DUSP15: variants seen among roughly 807,000 people sequenced by gnomAD.
The protein encoded by DUSP15 is dual specificity phosphatase 15.
In DUSP15, 23 loss-of-function variants were observed where a neutral mutation model predicts 26.3. The ratio of observed to expected loss-of-function variants is 0.87; its 90% CI spans 0.63 to 1.24. The LOEUF is 1.24. Among genes scored for constraint, DUSP15 ranks in the 50% most tolerant of loss-of-function variants. The pLI is 0.00. For synonymous variants in DUSP15, 143 were observed against 135.5 expected, an observed-to-expected ratio of 1.06 and a Z score of -0.39; for missense variants, 364 against 320.6, an observed-to-expected ratio of 1.14 and a Z score of -1.03.
chr20:31,870,483 C>G lies in DUSP15; in HGVS notation c.-146G>C. 7.3e-7 allele frequency: 1 copy of G among 1,372,512 alleles called. No individual in the cohort carries two copies. The highest frequency in any genetic ancestry group is 9.4e-7 in the Non-Finnish European group (1 of 1,067,306). 85.0% of individuals were successfully genotyped at this position (1,372,512 alleles called of 1,614,324 possible). ...CGTCCGCGGCCCTGCCCAGCCCTGC[C>G]CAGCCACCGCCACCGCCCGCCGACC... On this transcript the variant is annotated 5_prime_UTR_variant, in exon 1 of 7. Coordinates refer to ENST00000339738, the MANE Select transcript of DUSP15 (RefSeq NM_080611.5). The surrounding 1 kb of genome is among the most constrained non-coding windows in gnomAD (Gnocchi z 6.6).
intron 5 of DUSP15, among the ~76,000 whole-genome samples, chr20:31,863,030 A>G (rs2123265752): frequency 6.6e-6 from 1 of 152,080 alleles, no homozygotes; most frequent in South Asian, 2.1e-4. Context: ...TGTAGCGGGT[A>G]TAAAACAGGC....
At chr20:31,857,886 A>G (rs932288908), downstream of DUSP15, among the ~76,000 whole-genome samples, 1 of 152,206 alleles carries the variant, frequency 6.6e-6, no homozygotes, top group Non-Finnish European at 1.5e-5. Context: ...TGGGAGGCTG[A>G]CAGAATTCCC....
chr20:31,870,164 C>G lies in DUSP15; in HGVS notation c.21+153G>C, dbSNP rs1363373696. On this transcript the variant is annotated intron_variant, in intron 1 of 6. Transcript: ENST00000339738. This position sits in a 1 kb window ranked among gnomAD's most constrained non-coding sequence, Gnocchi z 6.6. ...CAGGGTCAGAGAGGGGGAGACCCGA[C>G]AGCCGCGGTCTCGAGTCACAGGGAC... is the stretch of plus-strand genomic sequence containing the variant. The G allele has an allele frequency of 8.2e-7, 1 of 1,225,616 alleles. No individual in the cohort carries two copies. Among genetic ancestry groups the G allele is most frequent in the Non-Finnish European group, 1.0e-6 (1 of 983,444 alleles). The allele number at this position is 1,225,616 out of a possible 1,614,324, so 75.9% of individuals were successfully genotyped here.
downstream of DUSP15, chr20:31,845,709 C>A: frequency 1.3e-6 from 1 of 763,204 alleles, no homozygotes; most frequent in Non-Finnish European, 2.1e-6. Flanking sequence ...CCTCCTCCCT[C>A]GCCCCACTCC....
intron 9 of DUSP15, chr20:31,848,778 C>A: frequency 6.3e-7 from 1 of 1,598,620 alleles, no homozygotes; most frequent in Non-Finnish European, 8.5e-7. Context: ...GGGCGTGCTT[C>A]TTGGCTGGAG....
At chr20:31,845,943 G>A (rs2062372356), downstream of DUSP15, among the ~76,000 whole-genome samples, 1 of 152,060 alleles carries the variant, frequency 6.6e-6, no homozygotes, top group Non-Finnish European at 1.5e-5. Flanking sequence ...AAGAGATAGA[G>A]ACAGAGAGAG....
chr20:31,850,526 T>G (rs1304666178), intron 7 of DUSP15: 1 of 1,374,240 alleles, frequency 7.3e-7, no homozygotes, highest in Non-Finnish European at 1.0e-6. Context: ...GTGCTTTGGG[T>G]GGGAGAGAGA....
chr20:31,848,428 G>A lies in DUSP15; in HGVS notation c.864C>T (p.Ala288=), dbSNP rs748335110. Residue 288 remains alanine (A), a synonymous_variant, in exon 10 of 10, where the codon GCC becomes GCT. Coordinates refer to the DUSP15 transcript ENST00000278979. ...TTCAGCGGGTACAAGAAGAGGAAGC[G>A]GCTCGCTTAGGATGGAGGCAGCTGC... 5 of 1,611,694 alleles carry A rather than the reference G, an allele frequency of 3.1e-6. No homozygotes were observed. In the Admixed American group the frequency reaches 5.0e-5, roughly 16 times the overall value.
chr20:31,870,358 G>A lies in DUSP15; in HGVS notation c.-21C>T. 7.8e-7 allele frequency: 1 copy of A among 1,278,192 alleles called. No homozygotes were observed. The highest frequency in any genetic ancestry group is 3.4e-5 in the South Asian group (1 of 29,156). The allele number at this position is 1,278,192 out of a possible 1,614,324, so 79.2% of individuals were successfully genotyped here. ...CCCATGATCCCGGGGGCGGCGGTCC[G>A]GGTGCACCCCCAGCTCGCCGCCCGG... On this transcript the variant is annotated 5_prime_UTR_variant, in exon 1 of 7. Coordinates refer to ENST00000339738, the MANE Select transcript of DUSP15 (RefSeq NM_080611.5). The surrounding 1 kb of genome is among the most constrained non-coding windows in gnomAD (Gnocchi z 6.6).
chr20:31,861,254 C>A lies in DUSP15; in HGVS notation c.*149G>T, dbSNP rs2062641949. 3 of 1,362,392 alleles carry A rather than the reference C, an allele frequency of 2.2e-6. No homozygotes were observed. In the South Asian group the frequency reaches 5.2e-5, roughly 24 times the overall value. The allele number at this position is 1,362,392 out of a possible 1,614,324, so 84.4% of individuals were successfully genotyped here. A position where few individuals can be genotyped will look rare whatever the true frequency, so the allele number is the denominator to read the frequency against. On this transcript the variant is annotated 3_prime_UTR_variant, in exon 7 of 7. Coordinates refer to ENST00000339738, the MANE Select transcript of DUSP15 (RefSeq NM_080611.5). ...ACAGGTTGGGGACGCTGACTGCAGACGCGGACGAGCAGGGCGGGCGCGGGA... is the reference window on the plus strand; with the variant it reads ...ACAGGTTGGGGACGCTGACTGCAGAAGCGGACGAGCAGGGCGGGCGCGGGA...
rs2062873465 is a variant in DUSP15, at chr20:31,869,659, C to T, written c.22-62G>A. Reference sequence around the variant, plus strand: ...GCTGCACCCCCTTCCACCCCCAGGGCAGCTGGGGGGCCCACAGCCCCTCTC... The same window carrying T: ...GCTGCACCCCCTTCCACCCCCAGGGTAGCTGGGGGGCCCACAGCCCCTCTC... On this transcript the variant is annotated intron_variant, in intron 1 of 6. Coordinates refer to ENST00000339738, the MANE Select transcript of DUSP15 (RefSeq NM_080611.5). The T allele has an allele frequency of 4.4e-5, 70 of 1,593,906 alleles. 1 individual carries two copies. The East Asian group carries it at 1.6e-3, about 36-fold the overall frequency.
intron 5 of DUSP15, 64 bp downstream of exon 5, chr20:31,863,843 G>T: frequency 2.0e-6 from 3 of 1,486,026 alleles, no homozygotes; most frequent in Non-Finnish European, 1.9e-6. Flanking sequence ...GGGGGAGTGT[G>T]TGTTCAGCAG....
chr20:31,861,320 G>A lies in DUSP15; in HGVS notation c.*83C>T. 1.4e-6 allele frequency: 2 copies of A among 1,394,720 alleles called. No individual in the cohort carries two copies. Among genetic ancestry groups the A allele is most frequent in the South Asian group, 1.6e-5 (1 of 63,664 alleles). The allele number at this position is 1,394,720 out of a possible 1,614,324, so 86.4% of individuals were successfully genotyped here. ...GCCGCGGGGCTCCCCCAGCCTCTGG[G>A]CCCGTCCTGGGGGGCGTGGAAGGCG... is the stretch of plus-strand genomic sequence containing the variant. On this transcript the variant is annotated 3_prime_UTR_variant, in exon 7 of 7. Transcript: ENST00000339738.
rs748573410 is a variant in DUSP15, at chr20:31,862,674, C to CA, written c.331dup (p.Trp111LeufsTer6). ...CTTGATGGCTTCAAGCACGTCCCGC[C>CA]AGCCTAGCCCCGTCACAGTCATCAC... On this transcript the variant is annotated frameshift_variant, in exon 6 of 7. Coordinates refer to ENST00000339738, the MANE Select transcript of DUSP15 (RefSeq NM_080611.5). LOFTEE classifies it high-confidence loss of function. 1.4e-5 allele frequency: 23 copies of CA among 1,614,046 alleles called. No individual in the cohort carries two copies. In the South Asian group the frequency reaches 2.5e-4, roughly 18 times the overall value.
downstream of DUSP15, among the ~76,000 whole-genome samples, chr20:31,856,884 G>C (rs1365944948): frequency 6.6e-6 from 1 of 151,986 alleles, no homozygotes; most frequent in Non-Finnish European, 1.5e-5. Flanking sequence ...GCCTGGGAGG[G>C]GTTGCAGGGC....
Position 31,870,315 on chromosome 20 carries a change from AC to A in DUSP15, c.21+1del. On this transcript the variant is annotated splice_donor_variant, in intron 1 of 6. Coordinates refer to ENST00000339738, the MANE Select transcript of DUSP15 (RefSeq NM_080611.5). LOFTEE classifies it high-confidence loss of function. The surrounding 1 kb of genome is among the most constrained non-coding windows in gnomAD (Gnocchi z 6.6). The stretch of plus-strand genomic sequence containing the variant: ...GGAGGCTGCGCGGGGCCCGCCCCCT[AC>A]CTTGGTCATGCCATTGCCCATGATC... 7.9e-7 allele frequency: 1 copy of A among 1,258,566 alleles called. No homozygotes were observed. Among genetic ancestry groups the A allele is most frequent in the Non-Finnish European group, 1.0e-6 (1 of 1,002,688 alleles). The allele number at this position is 1,258,566 out of a possible 1,614,324, so 78.0% of individuals were successfully genotyped here.
rs962213090 is a variant in DUSP15 at position 31,849,916 on chromosome 20, G to A, written c.492-42C>T. On this transcript the variant is annotated intron_variant, in intron 7 of 9. Coordinates refer to the DUSP15 transcript ENST00000278979. ...GGTGCACGGGCTGGACGTGGGCGGC[G>A]CTAGCTCCCCTCGCCTTCTTACCCT... is the stretch of plus-strand genomic sequence containing the variant. 12 of 1,436,360 alleles carry A rather than the reference G, an allele frequency of 8.4e-6. No homozygotes were observed. In the African/African-American group the frequency reaches 1.5e-4, roughly 18 times the overall value. The allele number at this position is 1,436,360 out of a possible 1,614,324, so 89.0% of individuals were successfully genotyped here. A position where few individuals can be genotyped will look rare whatever the true frequency, so the allele number is the denominator to read the frequency against.
chr20:31,862,316 G>C (rs1005253586), intron 6 of DUSP15, among the ~76,000 whole-genome samples: 1 of 152,162 alleles, frequency 6.6e-6, no homozygotes, highest in Non-Finnish European at 1.5e-5. Flanking sequence ...GCAGTGGGGA[G>C]GGCTGGAAGA....
chr20:31,849,862 T>C (rs1444520855), exon 8 of DUSP15: 3 of 1,505,398 alleles, frequency 2.0e-6, no homozygotes, highest in African/African-American at 1.4e-5. Context: ...GAGCCACACG[T>C]GCAGCCAGCA....
Sources: allele counts gnomAD v4.1 joint callset (sites outside exome capture counted in the v4.1 genomes callset), GRCh38; gene constraint gnomAD v4.1.1; non-coding constraint Gnocchi (gnomAD v3.1); transcripts MANE v1.5; gene names NCBI Gene and HGNC (gene_info 2026-07-23, HGNC 2026-07-21).